The following ERBB4 variants were observed in gnomAD, a reference collection of about 807,000 sequenced individuals.
ERBB4 encodes receptor tyrosine-protein kinase erbB-4.
A neutral mutation model predicts 158.0 loss-of-function variants in ERBB4; 42 were observed. That is an observed-to-expected ratio of 0.27 (90% CI 0.21 to 0.34). The LOEUF is 0.34. Among genes scored for constraint, ERBB4 ranks in the 10% least tolerant of loss-of-function variants. The pLI, the probability that ERBB4 is intolerant of heterozygous loss-of-function variation, is 1.00. For synonymous variants in ERBB4, 583 were observed against 558.7 expected (o/e 1.04, Z -0.61); for missense variants, 1,333 against 1,624.1 (o/e 0.82, Z 3.08).
intron 20 of ERBB4, among the ~76,000 whole-genome samples, chr2:211,549,858 G>T (rs2067034839): frequency 6.6e-6 from 1 of 152,202 alleles, no homozygotes; most frequent in Middle Eastern, 3.4e-3. Flanking sequence ...TCACAAAAAT[G>T]GAATCCCTGC....
intron 19 of ERBB4, among the ~76,000 whole-genome samples, chr2:211,610,408 A>G (rs1347808476): frequency 6.6e-6 from 1 of 152,152 alleles, no homozygotes; most frequent in East Asian, 1.9e-4. Flanking sequence ...CAGATCATTA[A>G]CAAAACCATT....
At chr2:212,024,446 A>C (rs977781728) in intron 2 of ERBB4, among the ~76,000 whole-genome samples, 3 of 151,968 alleles carry the variant, frequency 2.0e-5, no homozygotes, top group African/African-American at 7.2e-5. Context: ...CAAGGAACAC[A>C]AAGAAAATCC....
chr2:212,182,088 T>A (rs2081887092), intron 1 of ERBB4, among the ~76,000 whole-genome samples: 1 of 151,778 alleles, frequency 6.6e-6, no homozygotes, highest in Admixed American at 6.6e-5. Context: ...CTTAAATGAA[T>A]AGATGTATCA....
chr2:211,424,328 A>G, intron 22 of ERBB4, 27 bp from the exon 23 acceptor site: 1 of 1,574,740 alleles, frequency 6.4e-7, no homozygotes, highest in East Asian at 2.2e-5. Flanking sequence ...ATTCTTACTT[A>G]AGCATATTAA....
At chr2:211,385,442 G>GT (rs1391554178) in intron 27 of ERBB4, among the ~76,000 whole-genome samples, 2 of 152,104 alleles carry the variant, frequency 1.3e-5, no homozygotes, top group Non-Finnish European at 2.9e-5. Flanking sequence ...CTACTGCACT[G>GT]TTTTTTATTA....
chr2:211,644,919 T>C (rs1437151049), intron 16 of ERBB4, among the ~76,000 whole-genome samples: 1 of 151,962 alleles, frequency 6.6e-6, no homozygotes, highest in Non-Finnish European at 1.5e-5. Flanking sequence ...AAATGACTTA[T>C]CTTTACTTAC....
intron 2 of ERBB4, among the ~76,000 whole-genome samples, chr2:212,088,568 G>A (rs1305782437): frequency 6.6e-6 from 1 of 152,066 alleles, no homozygotes; most frequent in East Asian, 1.9e-4. Context: ...ACCCTGGTTG[G>A]TAGTCCCTGG....
intron 5 of ERBB4, among the ~76,000 whole-genome samples, chr2:211,726,752 G>T (rs1299296887): frequency 1.3e-5 from 2 of 151,990 alleles, no homozygotes; most frequent in African/African-American, 4.8e-5. Flanking sequence ...AAAAGTAATG[G>T]CTTGAACCTG....
intron 4 of ERBB4, among the ~76,000 whole-genome samples, chr2:211,757,212 G>C (rs898744829): frequency 6.6e-6 from 1 of 151,936 alleles, no homozygotes; most frequent in Admixed American, 6.6e-5. Flanking sequence ...TTTTATTCCA[G>C]TCTCAATTCA....
chr2:212,008,574 G>A (rs897149146), intron 2 of ERBB4, among the ~76,000 whole-genome samples: 1 of 152,072 alleles, frequency 6.6e-6, no homozygotes, highest in Non-Finnish European at 1.5e-5. Context: ...TATAGAGAAT[G>A]AGAAGACAGT....
intron 16 of ERBB4, among the ~76,000 whole-genome samples, chr2:211,631,421 T>C (rs549800773): frequency 1.3e-5 from 2 of 152,226 alleles, no homozygotes; most frequent in African/African-American, 4.8e-5. Context: ...AGTATTAGAA[T>C]CAATAGTGTG....
At chr2:211,419,783 AAAAT>A (rs1381162110) in intron 25 of ERBB4, among the ~76,000 whole-genome samples, 2 of 152,104 alleles carry the variant, frequency 1.3e-5, no homozygotes, top group Admixed American at 6.5e-5. Flanking sequence ...TGAATTTATA[AAAAT>A]AAATGCATGG....
chr2:211,576,631 C>T (rs556974547), intron 19 of ERBB4, among the ~76,000 whole-genome samples: 2 of 152,214 alleles, frequency 1.3e-5, no homozygotes, highest in South Asian at 2.1e-4. Context: ...CTTCTCTATA[C>T]ATTCACAAGG....
chr2:211,684,990 ATT>A (rs755292911), intron 12 of ERBB4, among the ~76,000 whole-genome samples: 3 of 152,166 alleles, frequency 2.0e-5, no homozygotes, highest in Non-Finnish European at 4.4e-5. Context: ...GTCTCAGAAT[ATT>A]TGTATATTAC....
intron 1 of ERBB4, among the ~76,000 whole-genome samples, chr2:212,140,342 G>A (rs2080412452): frequency 6.8e-6 from 1 of 146,866 alleles, no homozygotes; most frequent in Admixed American, 6.8e-5. Flanking sequence ...TAGATTTCTG[G>A]GTATGAGACA....
chr2:212,220,156 T>C lies in ERBB4; in HGVS notation c.83-95253A>G, dbSNP rs113478916. On this transcript the variant is annotated intron_variant, in intron 1 of 27. Coordinates refer to ENST00000342788, the MANE Select transcript of ERBB4 (RefSeq NM_005235.3). ...TTATCAAAACAGAATGTAGTCATCA[T>C]AATGCAAAGTCCTCAGGCAATGAGA... Among the ~76,000 whole-genome samples the C allele has an allele frequency of 4.8e-3, 723 of 151,554 alleles. 7 individuals are homozygous for C. Among genetic ancestry groups the C allele is most frequent in the Middle Eastern group, 0.017 (5 of 294 alleles).
intron 4 of ERBB4, among the ~76,000 whole-genome samples, chr2:211,756,316 A>G (rs2075286681): frequency 6.6e-6 from 1 of 152,196 alleles, no homozygotes. Flanking sequence ...GTCCAGCAGT[A>G]AAGGGAAGGG....
chr2:212,376,387 G>A (rs949577198), intron 1 of ERBB4, among the ~76,000 whole-genome samples: 2 of 151,978 alleles, frequency 1.3e-5, no homozygotes, highest in African/African-American at 4.8e-5. Context: ...AAGGCATTTT[G>A]CTTCTTGACT....
intron 2 of ERBB4, among the ~76,000 whole-genome samples, chr2:212,033,337 G>A (rs2076944468): frequency 6.6e-6 from 1 of 151,882 alleles, no homozygotes; most frequent in Non-Finnish European, 1.5e-5. Context: ...AATCATTGGT[G>A]CTATTAAAAT....
Sources: gnomAD v4.1 joint callset for allele counts (sites outside exome capture counted in the v4.1 genomes callset) on GRCh38, gnomAD v4.1.1 for gene constraint, MANE v1.5 for transcripts, NCBI Gene and HGNC (gene_info 2026-07-23, HGNC 2026-07-21) for gene names.